Variants in RGS6 observed in about 807,000 individuals in gnomAD.
RGS6 encodes the protein regulator of G-protein signaling 6.
A neutral mutation model predicts 78.5 loss-of-function variants in RGS6; 30 were observed. That is an observed-to-expected ratio of 0.38 (90% CI 0.29 to 0.52). RGS6 has a LOEUF of 0.52. RGS6 is among the 20% of genes least tolerant of loss of function. RGS6 has a pLI of 0.85. For synonymous variants in RGS6, 206 were observed against 206.0 expected, an observed-to-expected ratio of 1.00 and a Z score of 0.00; for missense variants, 495 against 609.7, an observed-to-expected ratio of 0.81 and a Z score of 1.98.
chr14:71,997,096 G>A (rs1330934369), intron 2 of RGS6, among the ~76,000 whole-genome samples: 1 of 152,196 alleles, frequency 6.6e-6, no homozygotes, highest in Admixed American at 6.5e-5. Context: ...GGTGGTGGCA[G>A]GACAAATTAC....
intron 12 of RGS6, among the ~76,000 whole-genome samples, chr14:72,479,755 G>A (rs968124524): frequency 6.6e-6 from 1 of 152,192 alleles, no homozygotes; most frequent in Non-Finnish European, 1.5e-5. Flanking sequence ...AGGTCTCACT[G>A]TGGTTCCTTT....
At chr14:72,366,267 G>A (rs2239226) in intron 3 of RGS6, among the ~76,000 whole-genome samples, 9,442 of 152,188 alleles carry the variant, frequency 0.062, 464 homozygotes, top group East Asian at 0.29. Context: ...AGAGGGAGAA[G>A]GAATGCCTGT....
intron 3 of RGS6, among the ~76,000 whole-genome samples, chr14:72,399,281 A>G (rs545214076): frequency 6.6e-6 from 1 of 152,114 alleles, no homozygotes; most frequent in Admixed American, 6.5e-5. Flanking sequence ...CTTTACCATT[A>G]TGTAATGGCC....
rs74550348 is a variant in RGS6 at position 72,026,188 on chromosome 14, C to A, written c.84+61313C>A. On this transcript the variant is annotated intron_variant, in intron 2 of 17. Transcript: ENST00000553525. Reference sequence around the variant, plus strand: ...TTGGGAGGCCAAGGCAGGTGAATCACCTGAGGTCAGGAGTTCGAGACTAGC... The same window carrying A: ...TTGGGAGGCCAAGGCAGGTGAATCAACTGAGGTCAGGAGTTCGAGACTAGC... 2.6e-5 allele frequency among the ~76,000 whole-genome samples: 4 copies of A among 152,208 alleles called. No homozygotes were observed. In the South Asian group the frequency reaches 8.3e-4, roughly 32 times the overall value.
chr14:72,398,574 C>G (rs566852553), intron 3 of RGS6, among the ~76,000 whole-genome samples: 2 of 151,958 alleles, frequency 1.3e-5, no homozygotes, highest in Non-Finnish European at 2.9e-5. Flanking sequence ...TGATCTTAGT[C>G]ATTTCTTGCC....
intron 2 of RGS6, among the ~76,000 whole-genome samples, chr14:72,096,129 T>G (rs944455797): frequency 7.2e-5 from 11 of 152,028 alleles, no homozygotes; most frequent in African/African-American, 2.7e-4. Context: ...AAAAATTAGC[T>G]GAGTGCGGTG....
At position 72,061,057 on chromosome 14, in the gene RGS6, C is replaced by T. The variant is rs187848711; in HGVS notation, c.84+96182C>T. 2.9e-3 allele frequency among the ~76,000 whole-genome samples: 435 copies of T among 152,268 alleles called. 7 individuals carry two copies. Among genetic ancestry groups the T allele is most frequent in the African/African-American group, 0.01 (419 of 41,548 alleles). The stretch of plus-strand genomic sequence containing the variant: ...TGGCAGCATTGTAGGATTGCACTTT[C>T]CCTCCTCCTCTGAAGGTAGATGGGA... On this transcript the variant is annotated intron_variant, in intron 2 of 17. Transcript: ENST00000553525.
chr14:72,611,176 C>A, the RGS6 span, among the ~76,000 whole-genome samples: 1 of 152,208 alleles, frequency 6.6e-6, no homozygotes, highest in African/African-American at 2.4e-5. Context: ...TACACACCTT[C>A]CCCCAAGCCC....
At chr14:72,050,982 C>T (rs182068484) in intron 2 of RGS6, among the ~76,000 whole-genome samples, 6 of 152,228 alleles carry the variant, frequency 3.9e-5, no homozygotes, top group African/African-American at 1.2e-4. Context: ...GCTTTTCATA[C>T]TATGTTCTTG....
At chr14:72,520,277 A>C (rs1217190045) in intron 15 of RGS6, among the ~76,000 whole-genome samples, 1 of 152,180 alleles carries the variant, frequency 6.6e-6, no homozygotes, top group African/African-American at 2.4e-5. Flanking sequence ...AAAGAGTTCC[A>C]AGCTCTGGAT....
intron 10 of RGS6, 119 bp from the exon 11 acceptor site, chr14:72,476,623 C>A (rs2096248577): frequency 3.0e-6 from 2 of 672,278 alleles, no homozygotes; most frequent in East Asian, 2.8e-5. Flanking sequence ...AAGCAGAGAC[C>A]AATCTCTTAT....
At chr14:72,115,580 G>A (rs2095867830) in intron 2 of RGS6, among the ~76,000 whole-genome samples, 1 of 152,114 alleles carries the variant, frequency 6.6e-6, no homozygotes, top group Non-Finnish European at 1.5e-5. Flanking sequence ...GGCTGGACAG[G>A]CCCATCTGCT....
In RGS6 at chr14:72,541,143, C is replaced by T. The variant is rs755892059; in HGVS notation, c.1422+1049C>T. On this transcript the variant is annotated intron_variant, in intron 17 of 17. Coordinates refer to ENST00000553525, the MANE Select transcript of RGS6 (RefSeq NM_001204424.2). The stretch of plus-strand genomic sequence containing the variant: ...CCATGCAGGGAGCTGGCCACATTCC[C>T]TTCCCAAAGGGTGGCAGCCCATTGA... 17 of 1,372,182 alleles carry T rather than the reference C, an allele frequency of 1.2e-5. No individual in the cohort carries two copies. In the Admixed American group the frequency reaches 2.5e-4, roughly 20 times the overall value. The allele number at this position is 1,372,182 out of a possible 1,614,324, so 85.0% of individuals were successfully genotyped here.
intron 2 of RGS6, among the ~76,000 whole-genome samples, chr14:72,287,138 G>A (rs905056936): frequency 1.3e-5 from 2 of 152,164 alleles, no homozygotes; most frequent in Admixed American, 1.3e-4. Flanking sequence ...ACAGGGAAAT[G>A]CAACTAATTT....
the RGS6 span, among the ~76,000 whole-genome samples, chr14:72,625,056 G>A: frequency 6.6e-6 from 1 of 151,984 alleles, no homozygotes; most frequent in Non-Finnish European, 1.5e-5. Context: ...GGAGATACTT[G>A]GAGATTATCT....
At chr14:72,303,132 T>G (rs2066482933) in intron 2 of RGS6, among the ~76,000 whole-genome samples, 2 of 152,208 alleles carry the variant, frequency 1.3e-5, no homozygotes, top group African/African-American at 4.8e-5. Context: ...AGATCATCAT[T>G]CCTTTACCTA....
chr14:72,338,731 T>C (rs1425126103), intron 2 of RGS6, among the ~76,000 whole-genome samples: 1 of 152,232 alleles, frequency 6.6e-6, no homozygotes, highest in Non-Finnish European at 1.5e-5. Flanking sequence ...TTGGAAAGCA[T>C]AGGTCTCCAA....
intron 2 of RGS6, among the ~76,000 whole-genome samples, chr14:72,121,364 A>G (rs1445018205): frequency 6.6e-6 from 1 of 152,174 alleles, no homozygotes; most frequent in East Asian, 1.9e-4. Context: ...TAAACATTTT[A>G]TAGTTCCATG....
intron 2 of RGS6, among the ~76,000 whole-genome samples, chr14:72,258,586 C>T (rs2057531842): frequency 1.3e-5 from 2 of 152,254 alleles, no homozygotes; most frequent in South Asian, 4.1e-4. Context: ...TTTTTAAAGT[C>T]GATGGAGCAC....
Sources: gnomAD v4.1 joint callset for allele counts (sites outside exome capture counted in the v4.1 genomes callset) on GRCh38, gnomAD v4.1.1 for gene constraint, MANE v1.5 for transcripts, NCBI Gene and HGNC (gene_info 2026-07-23, HGNC 2026-07-21) for gene names.